The following EFCAB14 variants were observed in gnomAD, a reference collection of about 807,000 sequenced individuals.
EFCAB14 encodes EF-hand calcium binding domain 14.
A neutral mutation model predicts 56.5 loss-of-function variants in EFCAB14; 43 were observed. That is an observed-to-expected ratio of 0.76 (90% CI 0.60 to 0.98). The LOEUF (loss-of-function observed/expected upper bound fraction) is 0.98, where lower values mean the gene tolerates loss of function less well. Ranked by LOEUF, EFCAB14 falls within the 50% of genes least tolerant of loss-of-function variation. The pLI, the probability that EFCAB14 is intolerant of heterozygous loss-of-function variation, is 0.00. For synonymous variants in EFCAB14, 235 were observed against 212.9 expected, an observed-to-expected ratio of 1.10 and a Z score of -0.90; for missense variants, 538 against 580.3, an observed-to-expected ratio of 0.93 and a Z score of 0.75.
At chr1:46,711,102 G>C (rs1677302183) in intron 2 of EFCAB14, among the ~76,000 whole-genome samples, 1 of 152,172 alleles carries the variant, frequency 6.6e-6, no homozygotes, top group South Asian at 2.1e-4. Context: ...AATAAACATG[G>C]GGGTGTGGAT....
chr1:46,696,059 C>T (rs74411535), intron 4 of EFCAB14, among the ~76,000 whole-genome samples: 1,539 of 151,906 alleles, frequency 0.01, 12 homozygotes, highest in African/African-American at 0.035. Flanking sequence ...CATATCCTTG[C>T]CAACACTTGT....
intron 9 of EFCAB14, 137 bp downstream of exon 9, chr1:46,684,354 A>G: frequency 1.5e-6 from 1 of 652,866 alleles, no homozygotes; most frequent in Non-Finnish European, 2.6e-6. Context: ...AGCAAAGTGT[A>G]TCAGCTTCAT....
In EFCAB14 at chr1:46,675,629, C is replaced by G. The variant is rs562665838; in HGVS notation, c.*2832G>C. 6.6e-6 allele frequency: 1 copy of G among 152,444 alleles called. No homozygotes were observed. Among genetic ancestry groups the G allele is most frequent in the East Asian group, 1.9e-4 (1 of 5,178 alleles). The allele number at this position is 152,444 out of a possible 1,614,324, so 9.4% of individuals were successfully genotyped here. On this transcript the variant is annotated 3_prime_UTR_variant, in exon 11 of 11. Coordinates refer to ENST00000371933, the MANE Select transcript of EFCAB14 (RefSeq NM_014774.3). ...GAACAGCAACCATAAAGAAAGGAAT[C>G]TCCAACAGAAGGGACAATGGCCAGC... is the stretch of plus-strand genomic sequence containing the variant.
At chr1:46,706,939 T>G (rs1489165602) in intron 3 of EFCAB14, among the ~76,000 whole-genome samples, 4 of 152,246 alleles carry the variant, frequency 2.6e-5, no homozygotes, top group Non-Finnish European at 4.4e-5. Context: ...CATTTTTTAC[T>G]GCAGGTTCCA....
At chr1:46,700,670 T>C (rs755715053) in intron 3 of EFCAB14, among the ~76,000 whole-genome samples, 4 of 152,240 alleles carry the variant, frequency 2.6e-5, no homozygotes, top group Non-Finnish European at 5.9e-5. Flanking sequence ...ATTTCATGTC[T>C]AGAAATCTTA....
chr1:46,708,379 T>C (rs2148849623), intron 2 of EFCAB14, among the ~76,000 whole-genome samples: 1 of 152,316 alleles, frequency 6.6e-6, no homozygotes, highest in East Asian at 1.9e-4. Context: ...AGTTTCCTCA[T>C]CTGTAATACA....
At chr1:46,708,480 T>C (rs1677264237) in intron 2 of EFCAB14, among the ~76,000 whole-genome samples, 1 of 152,332 alleles carries the variant, frequency 6.6e-6, no homozygotes, top group African/African-American at 2.4e-5. Context: ...TGATAAATGC[T>C]AAGTACTGAC....
intron 3 of EFCAB14, among the ~76,000 whole-genome samples, chr1:46,704,295 A>T (rs1259320391): frequency 6.6e-6 from 1 of 151,868 alleles, no homozygotes; most frequent in Non-Finnish European, 1.5e-5. Context: ...TATAAAAAAG[A>T]AAAAAGAGAG....
intron 3 of EFCAB14, among the ~76,000 whole-genome samples, chr1:46,705,874 CTTTTT>C (rs912571101): frequency 1.4e-5 from 2 of 147,862 alleles, no homozygotes; most frequent in African/African-American, 2.5e-5. Flanking sequence ...CTTTTTTTTT[CTTTTT>C]TTTGAGACAG....
At position 46,678,544 on chromosome 1, in the gene EFCAB14, C is replaced by T. The variant is rs368477542; in HGVS notation, c.1405G>A (p.Glu469Lys). Residue 469 changes from glutamate (E) to lysine (K), a missense_variant, in exon 11 of 11, where the codon GAA becomes AAA. Glu to Lys is a moderately conservative substitution (Grantham distance 56). Coordinates refer to ENST00000371933, the MANE Select transcript of EFCAB14 (RefSeq NM_014774.3). ...TCAAATGCTCTCAAGCTCTCTGGTT[C>T]TGGCATAGCAGAACCTAGGGAGGTC... is the stretch of plus-strand genomic sequence containing the variant. ...IWTSLGSAMP[E>K]PESLRAFDSD... is the part of the protein sequence containing the mutation. The T allele has an allele frequency of 1.2e-6, 2 of 1,614,180 alleles. No homozygotes were observed. Among genetic ancestry groups the T allele is most frequent in the Non-Finnish European group, 1.7e-6 (2 of 1,180,024 alleles).
chr1:46,715,638 C>T (rs1431627133), intron 2 of EFCAB14, among the ~76,000 whole-genome samples: 1 of 151,874 alleles, frequency 6.6e-6, no homozygotes, highest in East Asian at 1.9e-4. Flanking sequence ...TGGGGAGATG[C>T]AAGCCATAAG....
intron 10 of EFCAB14, among the ~76,000 whole-genome samples, chr1:46,679,657 C>CTGGAGTGCAG (rs1303764709): frequency 2.3e-5 from 3 of 130,716 alleles, no homozygotes. Flanking sequence ...GTCACCCAGG[C>CTGGAGTGCAG]TGGAGTGCAG....
chr1:46,685,254 T>C (rs1676861899), intron 8 of EFCAB14: 1 of 152,250 alleles, frequency 6.6e-6, no homozygotes, highest in Non-Finnish European at 1.5e-5. Context: ...CCCAGGAGTA[T>C]CAAGAGTGGC....
rs1314196858 is a variant in EFCAB14 at position 46,676,711 on chromosome 1, A to C, written c.*1750T>G. ...TCAAGTTACCTAAAGTGCCAGGCTA[A>C]TTTGTTTTAACCTTTCCAAGAAAGT... On this transcript the variant is annotated 3_prime_UTR_variant, in exon 11 of 11. Coordinates refer to ENST00000371933, the MANE Select transcript of EFCAB14 (RefSeq NM_014774.3). 6.6e-6 allele frequency: 1 copy of C among 152,606 alleles called. No individual in the cohort carries two copies. Among genetic ancestry groups the C allele is most frequent in the African/African-American group, 2.4e-5 (1 of 41,438 alleles). The allele number at this position is 152,606 out of a possible 1,614,324, so 9.5% of individuals were successfully genotyped here. A position where few individuals can be genotyped will look rare whatever the true frequency, so the allele number is the denominator to read the frequency against.
In EFCAB14 at chr1:46,689,805, T is replaced by C. The variant is rs2241861; in HGVS notation, c.691-114A>G. ...CCCCCAGAATGCATCCACAGATTAA[T>C]CAGTAAGTATTGCCAGGGAATGTAC... On this transcript the variant is annotated intron_variant, in intron 5 of 10. Transcript: ENST00000371933. 1.0e-3 allele frequency: 905 copies of C among 872,912 alleles called. 8 individuals carry two copies. The East Asian group carries it at 0.021, about 20-fold the overall frequency. 54.1% of individuals were successfully genotyped at this position (872,912 alleles called of 1,614,324 possible).
intron 3 of EFCAB14, among the ~76,000 whole-genome samples, chr1:46,705,814 G>A (rs1215710906): frequency 6.6e-6 from 1 of 152,004 alleles, no homozygotes; most frequent in Non-Finnish European, 1.5e-5. Context: ...TCTTTATCTA[G>A]AAGTGTAGTG....
At chr1:46,711,358 T>G (rs1156903713) in intron 2 of EFCAB14, among the ~76,000 whole-genome samples, 16 of 152,256 alleles carry the variant, frequency 1.1e-4, no homozygotes, top group Admixed American at 1.0e-3. Flanking sequence ...GAAGTCTCTC[T>G]TTCCTGCAGT....
chr1:46,717,844 G>A, intron 1 of EFCAB14, 59 bp downstream of exon 1: 1 of 1,535,930 alleles, frequency 6.5e-7, no homozygotes, highest in Admixed American at 1.8e-5. Flanking sequence ...CTGTCAATGT[G>A]GCCCCTTGGT....
At chr1:46,678,716 A>G in intron 10 of EFCAB14, 80 bp from the exon 11 acceptor site, 2 of 1,375,920 alleles carry the variant, frequency 1.5e-6, no homozygotes, top group South Asian at 3.1e-5. Flanking sequence ...AACTGAATTT[A>G]AAACACTAAA....
Sources: allele counts gnomAD v4.1 joint callset (sites outside exome capture counted in the v4.1 genomes callset), GRCh38; gene constraint gnomAD v4.1.1; transcripts MANE v1.5; gene names NCBI Gene and HGNC (gene_info 2026-07-23, HGNC 2026-07-21).